The following LPP variants were observed in gnomAD, a reference collection of about 807,000 sequenced individuals.
LPP encodes lipoma-preferred partner.
Under a neutral mutation model 60.4 loss-of-function variants are expected in LPP, and 38 were observed. That is an observed-to-expected ratio of 0.63 (90% CI 0.49 to 0.83). The LOEUF (loss-of-function observed/expected upper bound fraction) is 0.83, where lower values mean the gene tolerates loss of function less well. Ranked by LOEUF, LPP falls within the 40% of genes least tolerant of loss-of-function variation. The probability of loss-of-function intolerance (pLI) is 0.00; values close to 1 mark genes in which losing one functional copy is unlikely to be tolerated. For synonymous variants in LPP, 328 were observed against 290.8 expected (o/e 1.13, Z -1.30); for missense variants, 902 against 783.6 (o/e 1.15, Z -1.80).
At chr3:188,669,675 A>G (rs921466866) in intron 7 of LPP, among the ~76,000 whole-genome samples, 2 of 152,212 alleles carry the variant, frequency 1.3e-5, no homozygotes, top group Admixed American at 1.3e-4. Context: ...TGGGAGTTCA[A>G]CCATTGTGGA....
At chr3:188,481,866 A>G (rs1436003779) in intron 4 of LPP, among the ~76,000 whole-genome samples, 1 of 152,226 alleles carries the variant, frequency 6.6e-6, no homozygotes, top group Non-Finnish European at 1.5e-5. Context: ...CTGATGAAGT[A>G]TAAGAGGGGA....
chr3:188,582,937 C>T (rs1352408033), intron 6 of LPP, among the ~76,000 whole-genome samples: 2 of 152,194 alleles, frequency 1.3e-5, no homozygotes, highest in African/African-American at 4.8e-5. Flanking sequence ...CATCATCTTT[C>T]ATGGACCATT....
intron 3 of LPP, among the ~76,000 whole-genome samples, chr3:188,399,575 G>C (rs1217519393): frequency 6.6e-6 from 1 of 152,162 alleles, no homozygotes; most frequent in African/African-American, 2.4e-5. Flanking sequence ...CACTGACCAA[G>C]AGCTAGGCCT....
Position 188,874,340 on chromosome 3 carries a change from T to C in LPP, c.1711-11T>C. On this transcript the variant is annotated splice_polypyrimidine_tract_variant and intron_variant, in intron 11 of 11. Coordinates refer to ENST00000617246, the MANE Select transcript of LPP (RefSeq NM_001375462.1). Reference sequence around the variant, plus strand: ...TACTTATGTCGTTTCCATCTGTCTTTACTGTTCTAGGATTGCGGTGGTCTC... The same window carrying C: ...TACTTATGTCGTTTCCATCTGTCTTCACTGTTCTAGGATTGCGGTGGTCTC... 1.9e-6 allele frequency: 3 copies of C among 1,609,326 alleles called. No homozygotes were observed. The South Asian group carries it at 3.3e-5, about 18-fold the overall frequency.
chr3:188,862,728 T>C lies in LPP; in HGVS notation c.1411-3472T>C, dbSNP rs56314555. 5.1e-5 allele frequency among the ~76,000 whole-genome samples: 4 copies of C among 77,708 alleles called. No homozygotes were observed. The East Asian group carries it at 2.6e-3, about 51-fold the overall frequency. The allele number at this position is 77,708 out of a possible 152,430, so 51.0% of individuals were successfully genotyped here. A position where few individuals can be genotyped will look rare whatever the true frequency, so the allele number is the denominator to read the frequency against. On this transcript the variant is annotated intron_variant, in intron 9 of 11. Transcript: ENST00000617246. ...CCTACTAGACAAAAAAATAAATAAA[T>C]AAATAAATAAAAGAAAAAAGAAAAG... is the stretch of plus-strand genomic sequence containing the variant.
At chr3:188,650,592 T>G (rs1851894850) in intron 7 of LPP, among the ~76,000 whole-genome samples, 1 of 152,200 alleles carries the variant, frequency 6.6e-6, no homozygotes, top group East Asian at 1.9e-4. Flanking sequence ...TACCAAGTGC[T>G]GTCAGAAGAT....
intron 6 of LPP, among the ~76,000 whole-genome samples, chr3:188,549,433 T>C (rs1313057666): frequency 6.6e-6 from 1 of 152,178 alleles, no homozygotes; most frequent in Non-Finnish European, 1.5e-5. Flanking sequence ...TCTGGTGCCA[T>C]TGAGCCACTG....
At chr3:188,717,469 GT>G (rs1714495088) in intron 8 of LPP, among the ~76,000 whole-genome samples, 1 of 152,150 alleles carries the variant, frequency 6.6e-6, no homozygotes, top group African/African-American at 2.4e-5. Context: ...AGTGGATCTT[GT>G]TTTCACAGAT....
rs761747259 is a variant in LPP at position 188,609,694 on chromosome 3, T to C, written c.963T>C (p.Gly321=). The stretch of plus-strand genomic sequence containing the variant: ...CTGACCCTACCTATGGTCAACAAGG[T>C]CACCCAAATACCTGGAAACGGGAAC... ...NDSDPTYGQQ[G]HPNTWKREPG... The change falls in exon 7 of 12, where the codon GGT becomes GGC. Residue 321 remains glycine (G), a synonymous_variant. Transcript: ENST00000617246. This position sits in a 1 kb window ranked among gnomAD's most constrained non-coding sequence, Gnocchi z 6.9. The C allele has an allele frequency of 2.5e-6, 4 of 1,614,032 alleles. No homozygotes were observed. The highest frequency in any genetic ancestry group is 3.4e-6 in the Non-Finnish European group (4 of 1,180,002).
chr3:188,506,400 A>T (rs936160098), intron 5 of LPP, among the ~76,000 whole-genome samples: 9 of 152,106 alleles, frequency 5.9e-5, no homozygotes, highest in African/African-American at 2.2e-4. Flanking sequence ...ATGCTGTTTG[A>T]TTTTTTCTGC....
intron 4 of LPP, among the ~76,000 whole-genome samples, chr3:188,443,236 A>G (rs747740994): frequency 3.3e-5 from 5 of 152,250 alleles, no homozygotes; most frequent in Non-Finnish European, 5.9e-5. Context: ...ACCACAATCT[A>G]CAACAACAAA....
chr3:188,498,978 T>C (rs1179457757), intron 5 of LPP, among the ~76,000 whole-genome samples: 1 of 152,172 alleles, frequency 6.6e-6, no homozygotes, highest in African/African-American at 2.4e-5. Flanking sequence ...CTATTCAAGT[T>C]CTTTATTCAT....
At chr3:188,190,707 A>G (rs1350833941) in intron 1 of LPP, among the ~76,000 whole-genome samples, 1 of 152,228 alleles carries the variant, frequency 6.6e-6, no homozygotes, top group African/African-American at 2.4e-5. Context: ...TTTACATCCT[A>G]GTCCATAAGA....
chr3:188,168,141 AG>A (rs1282916933), intron 1 of LPP, among the ~76,000 whole-genome samples: 1 of 152,226 alleles, frequency 6.6e-6, no homozygotes, highest in Non-Finnish European at 1.5e-5. Context: ...GTCTTTATTG[AG>A]CTACCTACTC....
intron 9 of LPP, among the ~76,000 whole-genome samples, chr3:188,813,273 A>G (rs1316669454): frequency 6.6e-6 from 1 of 152,002 alleles, no homozygotes; most frequent in East Asian, 1.9e-4. Flanking sequence ...AATAAAAACC[A>G]TTTTTCAGTC....
chr3:188,492,446 G>T (rs1024690547), intron 5 of LPP, among the ~76,000 whole-genome samples: 8 of 152,090 alleles, frequency 5.3e-5, no homozygotes, highest in African/African-American at 1.7e-4. Context: ...TGTAATACCA[G>T]TACTTTGGGA....
intron 6 of LPP, among the ~76,000 whole-genome samples, chr3:188,567,262 C>A (rs1021918623): frequency 6.6e-6 from 1 of 151,880 alleles, no homozygotes; most frequent in African/African-American, 2.4e-5. Flanking sequence ...GTTCCTTAAC[C>A]TCTCTGCGCC....
At chr3:188,469,159 G>A (rs191728761) in intron 4 of LPP, among the ~76,000 whole-genome samples, 27 of 152,200 alleles carry the variant, frequency 1.8e-4, no homozygotes, top group Non-Finnish European at 1.3e-4. Context: ...TTCAAAAACC[G>A]TTAAGTTCTT....
intron 5 of LPP, among the ~76,000 whole-genome samples, chr3:188,507,522 C>T (rs1813902161): frequency 6.6e-6 from 1 of 151,048 alleles, no homozygotes; most frequent in African/African-American, 2.4e-5. Flanking sequence ...ACATAAGTTT[C>T]CCGTTTTTCT....
Sources: allele counts gnomAD v4.1 joint callset (sites outside exome capture counted in the v4.1 genomes callset), GRCh38; gene constraint gnomAD v4.1.1; non-coding constraint Gnocchi (gnomAD v3.1); transcripts MANE v1.5; gene names NCBI Gene and HGNC (gene_info 2026-07-23, HGNC 2026-07-21).